The following ZNF408 variants were observed in gnomAD, a reference collection of about 807,000 sequenced individuals.
The protein encoded by ZNF408 is PR domain zinc finger protein 17.
ZNF408 carries 24 observed loss-of-function variants against 27.6 expected under a neutral mutation model. The ratio of observed to expected loss-of-function variants is 0.87; its 90% CI spans 0.63 to 1.22. The LOEUF (loss-of-function observed/expected upper bound fraction) is 1.22. Among genes scored for constraint, ZNF408 ranks in the 50% most tolerant of loss-of-function variants. ZNF408 has a pLI of 0.00. For missense variants in ZNF408, 897 were observed against 949.0 expected (o/e 0.95, Z 0.72); for synonymous variants, 410 against 396.1 (o/e 1.04, Z -0.42).
chr11:46,701,678 T>A lies in ZNF408; in HGVS notation c.330+2T>A. 6.4e-7 allele frequency: 1 copy of A among 1,560,330 alleles called. No individual in the cohort carries two copies. The highest frequency in any genetic ancestry group is 8.7e-7 in the Non-Finnish European group (1 of 1,149,496). On this transcript the variant is annotated splice_donor_variant, in intron 2 of 4. Coordinates refer to ENST00000311764, the MANE Select transcript of ZNF408 (RefSeq NM_024741.3). LOFTEE classifies it high-confidence loss of function. ...GGAGTAAAGCCACGGCAGGAGGAGG[T>A]ATTGAAGGATAGAGCGACTTCCCTC...
At position 46,704,939 on chromosome 11, in the gene ZNF408, A is replaced by T; in HGVS notation, c.1239A>T (p.Gln413His). 1 of 1,613,476 alleles carries T rather than the reference A, an allele frequency of 6.2e-7. No individual in the cohort carries two copies. The highest frequency in any genetic ancestry group is 8.5e-7 in the Non-Finnish European group (1 of 1,180,006). Residue 413 changes from glutamine (Q) to histidine (H), a missense_variant, in exon 5 of 5, where the codon CAA (glutamine) becomes CAT (histidine). Physicochemically the swap from Gln to His is conservative, Grantham distance 24. Transcript: ENST00000311764. ...HRGVRPFPCP[Q>H]CDKAYGTQRD... ...GGGTGCGGCCCTTCCCCTGTCCACAATGCGACAAGGCCTATGGCACCCAGC... is the reference window on the plus strand; with the variant it reads ...GGGTGCGGCCCTTCCCCTGTCCACATTGCGACAAGGCCTATGGCACCCAGC...
In ZNF408 at chr11:46,701,470, G is replaced by A; in HGVS notation, c.124G>A (p.Asp42Asn). ...AGAAGGCTGTACGCAGGGCCTCAAA[G>A]ACGTCCCACCCGAGCCGACCCGAGA... is the stretch of plus-strand genomic sequence containing the variant. ...SGEGCTQGLK[D>N]VPPEPTRDIL... Residue 42 changes from aspartate (D) to asparagine (N), a missense_variant, in exon 2 of 5, where the codon GAC becomes AAC. By Grantham distance (23) the Asp-to-Asn change is conservative. Coordinates refer to ENST00000311764, the MANE Select transcript of ZNF408 (RefSeq NM_024741.3). 1 of 1,614,062 alleles carries A rather than the reference G, an allele frequency of 6.2e-7. No homozygotes were observed. Among genetic ancestry groups the A allele is most frequent in the South Asian group, 1.1e-5 (1 of 91,088 alleles).
Position 46,705,678 on chromosome 11 carries a change from G to GAC in ZNF408, c.1986_1987dup (p.Arg663ThrfsTer39). ...CCTGCAGGCTGAGCCACAACTGCTG[G>GAC]ACACACACAGAGAGGAGGAAGTCTC... On this transcript the variant is annotated frameshift_variant, in exon 5 of 5. Transcript: ENST00000311764. LOFTEE classifies it low-confidence loss of function (END_TRUNC). The surrounding 1 kb of genome is among the most constrained non-coding windows in gnomAD (Gnocchi z 6.5). 6.2e-7 allele frequency: 1 copy of GAC among 1,613,866 alleles called. No homozygotes were observed. The highest frequency in any genetic ancestry group is 8.5e-7 in the Non-Finnish European group (1 of 1,179,986).
intron 4 of ZNF408, among the ~76,000 whole-genome samples, chr11:46,703,841 C>T (rs1239278780): frequency 7.0e-6 from 1 of 143,360 alleles, no homozygotes; most frequent in African/African-American, 2.6e-5. Context: ...GGTCTCAGCT[C>T]GCTGCAACCT....
chr11:46,702,085 C>T (rs1232626317), intron 2 of ZNF408, among the ~76,000 whole-genome samples: 2 of 152,176 alleles, frequency 1.3e-5, no homozygotes, highest in East Asian at 3.8e-4. Context: ...CAATAAGTAC[C>T]ATTTTATTTT....
At position 46,705,324 on chromosome 11, in the gene ZNF408, C is replaced by A; in HGVS notation, c.1624C>A (p.His542Asn). 6.2e-7 allele frequency: 1 copy of A among 1,611,842 alleles called. No homozygotes were observed. The highest frequency in any genetic ancestry group is 8.5e-7 in the Non-Finnish European group (1 of 1,179,960). ...AFPQLPELRR[H>N]LISHTGEAHL... ...CCCCCAGCTGCCTGAACTGCGGCGC[C>A]ATCTCATCTCACACACCGGGGAGGC... Residue 542 changes from histidine to asparagine, a missense_variant, in exon 5 of 5, where the codon CAT becomes AAT. By Grantham distance (68) the His-to-Asn change is moderately conservative. Transcript: ENST00000311764. This position sits in a 1 kb window ranked among gnomAD's most constrained non-coding sequence, Gnocchi z 6.5.
Position 46,704,395 on chromosome 11 carries a change from T to C in ZNF408, c.695T>C (p.Met232Thr), listed in dbSNP as rs1224394264. The stretch of plus-strand genomic sequence containing the variant: ...CCCTCTGGCATCCAGGCAGAGAATA[T>C]GGTGAGCCCTGGACTTAAGTTCCCA... Reference protein sequence around the residue: ...QSPSGIQAENMVSPGLKFPTQ... With the variant: ...QSPSGIQAENTVSPGLKFPTQ... Residue 232 changes from methionine to threonine, a missense_variant, in exon 5 of 5, where the codon ATG (methionine) becomes ACG (threonine). Coordinates refer to ENST00000311764, the MANE Select transcript of ZNF408 (RefSeq NM_024741.3). 1 of 1,611,002 alleles carries C rather than the reference T, an allele frequency of 6.2e-7. No individual in the cohort carries two copies. Among genetic ancestry groups the C allele is most frequent in the East Asian group, 2.2e-5 (1 of 44,852 alleles).
At chr11:46,701,715 A>G (rs1404744836) in intron 2 of ZNF408, 39 bp downstream of exon 2, 1 of 1,488,182 alleles carries the variant, frequency 6.7e-7, no homozygotes, top group Admixed American at 2.4e-5. Context: ...GCCCTTGAAA[A>G]TGTAGGGGAG....
In ZNF408 at chr11:46,702,711, C is replaced by CA; in HGVS notation, c.339dup (p.Leu114IlefsTer11). On this transcript the variant is annotated frameshift_variant, in exon 3 of 5. Transcript: ENST00000311764. LOFTEE classifies it high-confidence loss of function. ...TTTGTTGGTTTATTTCAGAACCTGT[C>CA]ATTAGGCCCATGGGGAGACGTGTGT... The CA allele has an allele frequency of 6.2e-7, 1 of 1,614,060 alleles. No homozygotes were observed. Among genetic ancestry groups the CA allele is most frequent in the South Asian group, 1.1e-5 (1 of 91,080 alleles).
chr11:46,704,874 T>C lies in ZNF408; in HGVS notation c.1174T>C (p.Ser392Pro), dbSNP rs966073464. The change falls in exon 5 of 5, where the codon TCA (serine) becomes CCA (proline). Residue 392 changes from serine to proline, a missense_variant. By Grantham distance (74) the Ser-to-Pro change is moderately conservative. Transcript: ENST00000311764. ...LCTECGKSYSSEESFKAHMLG... is the reference protein window; with the variant it reads ...LCTECGKSYSPEESFKAHMLG... The stretch of plus-strand genomic sequence containing the variant: ...CACTGAGTGTGGCAAGAGCTATAGC[T>C]CAGAGGAGAGCTTCAAAGCCCATAT... 10 of 1,608,792 alleles carry C rather than the reference T, an allele frequency of 6.2e-6. No homozygotes were observed. Among genetic ancestry groups the C allele is most frequent in the Middle Eastern group, 3.3e-4 (2 of 6,040 alleles).
rs199531284 is a variant in ZNF408 at position 46,701,477 on chromosome 11, C to T, written c.131C>T (p.Pro44Leu). The part of the protein sequence containing the change: ...EGCTQGLKDV[P>L]PEPTRDILAL... ...TGTACGCAGGGCCTCAAAGACGTCC[C>T]ACCCGAGCCGACCCGAGACATCCTC... The change falls in exon 2 of 5, where the codon CCA becomes CTA. Residue 44 changes from proline to leucine, a missense_variant. Physicochemically the swap from Pro to Leu is moderately conservative, Grantham distance 98. Transcript: ENST00000311764. 26 of 1,614,040 alleles carry T rather than the reference C, an allele frequency of 1.6e-5. No homozygotes were observed. The East Asian group carries it at 5.6e-4, about 35-fold the overall frequency.
At position 46,705,845 on chromosome 11, in the gene ZNF408, G is replaced by A. The variant is rs796065317; in HGVS notation, c.2145G>A (p.Glu715=). Residue 715 remains glutamate, a synonymous_variant, in exon 5 of 5, where the codon GAG becomes GAA. Transcript: ENST00000311764. The surrounding 1 kb of genome is among the most constrained non-coding windows in gnomAD (Gnocchi z 6.5). The stretch of plus-strand genomic sequence containing the variant: ...TCGGCGCCTGGGCAGAGGTGGTGGA[G>A]GTGGAGATGGGCACCTGACAGCTTT... ...MGLGAWAEVV[E]VEMGT The A allele has an allele frequency of 6.2e-7, 1 of 1,611,932 alleles. No individual in the cohort carries two copies. Among genetic ancestry groups the A allele is most frequent in the Admixed American group, 1.7e-5 (1 of 59,812 alleles).
chr11:46,705,752 G>A lies in ZNF408; in HGVS notation c.2052G>A (p.Lys684=), dbSNP rs747674872. ...TCACCATTTCAGAAAGCCAGGAGAA[G>A]TGCTTTGTGGTGCCAGAGGAGCCAG... ...VEVTISESQE[K]CFVVPEEPDA... The change falls in exon 5 of 5, where the codon AAG becomes AAA. Residue 684 remains lysine, a synonymous_variant. Transcript: ENST00000311764. The surrounding 1 kb of genome is among the most constrained non-coding windows in gnomAD (Gnocchi z 6.5). 1 of 1,611,436 alleles carries A rather than the reference G, an allele frequency of 6.2e-7. No homozygotes were observed. The highest frequency in any genetic ancestry group is 8.5e-7 in the Non-Finnish European group (1 of 1,178,962).
intron 2 of ZNF408, 22 bp from the exon 3 acceptor site, chr11:46,702,682 G>C (rs749949119): frequency 1.2e-6 from 2 of 1,612,476 alleles, no homozygotes; most frequent in East Asian, 4.5e-5. Context: ...ATTTGAGAAG[G>C]ACTTTTGTTG....
intron 3 of ZNF408, 23 bp from the exon 4 acceptor site, chr11:46,702,961 C>T: frequency 6.2e-7 from 1 of 1,612,570 alleles, no homozygotes; most frequent in Admixed American, 1.7e-5. Flanking sequence ...CATCTCCTAG[C>T]TGGCTGTTAC....
chr11:46,702,015 G>A, intron 2 of ZNF408: 1 of 220,978 alleles, frequency 4.5e-6, no homozygotes, highest in South Asian at 1.4e-4. Context: ...CAAAGCAGTG[G>A]CTCTCTTGGG....
intron 1 of ZNF408, 70 bp from the exon 2 acceptor site, chr11:46,701,329 T>G (rs2064702652): frequency 1.3e-6 from 2 of 1,585,202 alleles, no homozygotes; most frequent in South Asian, 2.3e-5. Flanking sequence ...ACCTGCGGTT[T>G]CCTCCCACAC....
Position 46,704,533 on chromosome 11 carries a change from A to G in ZNF408, c.833A>G (p.Asn278Ser), listed in dbSNP as rs371159153. 516 of 1,613,864 alleles carry G rather than the reference A, an allele frequency of 3.2e-4. 3 individuals carry two copies. The South Asian group carries it at 5.4e-3, about 17-fold the overall frequency. The change falls in exon 5 of 5, where the codon AAT becomes AGT. Residue 278 changes from asparagine to serine, a missense_variant. By Grantham distance (46) the Asn-to-Ser change is conservative. Coordinates refer to ENST00000311764, the MANE Select transcript of ZNF408 (RefSeq NM_024741.3). ...CAGATGCCACCTGAACTTCAGAGCA[A>G]TTCGGCTACCCAGCAGGACCCAGAT... ...QAQMPPELQS[N>S]SATQQDPDGS... is the part of the protein sequence containing the mutation.
chr11:46,704,942 C>G lies in ZNF408; in HGVS notation c.1242C>G (p.Cys414Trp), dbSNP rs369874835. Reference protein sequence around the residue: ...RGVRPFPCPQCDKAYGTQRDL... With the variant: ...RGVRPFPCPQWDKAYGTQRDL... ...TGCGGCCCTTCCCCTGTCCACAATG[C>G]GACAAGGCCTATGGCACCCAGCGAG... The change falls in exon 5 of 5, where the codon TGC (cysteine) becomes TGG (tryptophan). Residue 414 changes from cysteine to tryptophan, a missense_variant. Cys to Trp is a radical substitution (Grantham distance 215). Coordinates refer to ENST00000311764, the MANE Select transcript of ZNF408 (RefSeq NM_024741.3). 6.2e-7 allele frequency: 1 copy of G among 1,613,530 alleles called. No individual in the cohort carries two copies. Among genetic ancestry groups the G allele is most frequent in the South Asian group, 1.1e-5 (1 of 91,076 alleles).
Sources: allele counts gnomAD v4.1 joint callset (sites outside exome capture counted in the v4.1 genomes callset), GRCh38; gene constraint gnomAD v4.1.1; non-coding constraint Gnocchi (gnomAD v3.1); transcripts MANE v1.5; gene names NCBI Gene and HGNC (gene_info 2026-07-23, HGNC 2026-07-21).